CSAD: variants seen among roughly 807,000 people sequenced by gnomAD.
CSAD encodes the protein cysteine sulfinic acid decarboxylase.
Under a neutral mutation model 61.5 loss-of-function variants are expected in CSAD, and 47 were observed. That is an observed-to-expected ratio of 0.76 (90% CI 0.60 to 0.97). The LOEUF (loss-of-function observed/expected upper bound fraction) is 0.97, where lower values mean the gene tolerates loss of function less well. CSAD is among the 50% of genes least tolerant of loss of function. CSAD has a pLI of 0.00. For missense variants in CSAD, 611 were observed against 643.6 expected, an observed-to-expected ratio of 0.95 and a Z score of 0.55; for synonymous variants, 245 against 252.7, an observed-to-expected ratio of 0.97 and a Z score of 0.29.
At chr12:53,173,651 G>T (rs1695337408) in intron 3 of CSAD, 77 bp downstream of exon 3, 1 of 1,443,726 alleles carries the variant, frequency 6.9e-7, no homozygotes. Context: ...GTGGGAACAG[G>T]TGGGAGAGAA....
chr12:53,160,060 G>C, intron 14 of CSAD, 60 bp downstream of exon 14: 2 of 1,604,962 alleles, frequency 1.2e-6, no homozygotes, highest in Non-Finnish European at 1.7e-6. Context: ...GCAGGAAAGA[G>C]GGAGGGGCAT....
At chr12:53,170,204 G>C in intron 9 of CSAD, 78 bp from the exon 10 acceptor site, 1 of 1,331,168 alleles carries the variant, frequency 7.5e-7, no homozygotes, top group South Asian at 1.2e-5. Flanking sequence ...TAGCAATGCA[G>C]AGACAACAGT....
chr12:53,160,277 A>G lies in CSAD; in HGVS notation c.1009T>C (p.Phe337Leu). The G allele has an allele frequency of 1.9e-6, 3 of 1,614,174 alleles. No homozygotes were observed. The highest frequency in any genetic ancestry group is 2.2e-5 in the South Asian group (2 of 91,090). The change falls in exon 14 of 17, where the codon TTC (phenylalanine) becomes CTC (leucine). Residue 337 changes from phenylalanine to leucine, a missense_variant. Phe to Leu is a conservative substitution (Grantham distance 22). Coordinates refer to ENST00000444623, the MANE Select transcript of CSAD (RefSeq NM_001244705.2). ...ACATCGTAGAACTTGTCCTGCTGGA[A>G]AAGGTAGCTGGCCTGGGACCCATGG... ...RCHGSQASYLFQQDKFYDVAL... is the reference protein window; with the variant it reads ...RCHGSQASYLLQQDKFYDVAL...
rs1938835024 is a variant in CSAD, at chr12:53,158,574, T to C, written c.1419A>G (p.Ala473=). The change falls in exon 17 of 17, where the codon GCA becomes GCG. Residue 473 remains alanine, a synonymous_variant. Coordinates refer to ENST00000444623, the MANE Select transcript of CSAD (RefSeq NM_001244705.2). ...GGAAGTCCATATCAGCACAGGTCAG[T>C]GCAGAGTTGGCCACAACCACACGGA... The part of the protein sequence containing the change: ...NFFRVVVANS[A]LTCADMDFLL... 1.2e-6 allele frequency: 2 copies of C among 1,613,150 alleles called. No homozygotes were observed. Among genetic ancestry groups the C allele is most frequent in the Admixed American group, 1.7e-5 (1 of 59,924 alleles).
At chr12:53,170,323 G>A (rs913494419) in intron 9 of CSAD, 100 bp downstream of exon 9, 26 of 1,118,178 alleles carry the variant, frequency 2.3e-5, no homozygotes, top group Non-Finnish European at 3.4e-5. Flanking sequence ...AGGGGAGAGA[G>A]GTCCACCAGC....
At chr12:53,178,475 G>A (rs1433697072) in intron 2 of CSAD, 7 of 416,350 alleles carry the variant, frequency 1.7e-5, no homozygotes, top group Admixed American at 1.5e-4. Context: ...CTGGGCGACA[G>A]ACCAAGACCC....
chr12:53,172,307 A>T (rs776535475), intron 6 of CSAD, 39 bp downstream of exon 6: 7 of 1,580,344 alleles, frequency 4.4e-6, no homozygotes, highest in Non-Finnish European at 6.1e-6. Context: ...GCAAACCTAA[A>T]TCCTTTGTGG....
intron 8 of CSAD, chr12:53,171,121 C>T (rs575155639): frequency 1.2e-4 from 88 of 738,734 alleles, no homozygotes; most frequent in African/African-American, 9.3e-4. Context: ...ACTGCACTCA[C>T]GGCCCCTCCT....
intron 3 of CSAD, 81 bp from the exon 4 acceptor site, chr12:53,173,557 G>C (rs1257639854): frequency 1.9e-6 from 3 of 1,609,172 alleles, no homozygotes; most frequent in Non-Finnish European, 2.5e-6. Context: ...TCTCCCAAAC[G>C]GGCCTGAGGC....
chr12:53,170,659 A>C, intron 8 of CSAD, 157 bp from the exon 9 acceptor site: 1 of 651,012 alleles, frequency 1.5e-6, no homozygotes, highest in South Asian at 1.7e-5. Flanking sequence ...GTTAAAATGA[A>C]ATGCAGGTTC....
intron 7 of CSAD, chr12:53,171,673 T>C (rs1465056): frequency 0.28 from 173,771 of 616,908 alleles, 28,795 homozygotes; most frequent in African/African-American, 0.62. Flanking sequence ...CGTCCGGAGA[T>C]AGCAGGAACT....
At chr12:53,174,165 G>A (rs1015929364) in intron 2 of CSAD, among the ~76,000 whole-genome samples, 5 of 151,814 alleles carry the variant, frequency 3.3e-5, no homozygotes, top group Non-Finnish European at 5.9e-5. Flanking sequence ...TTAGCCGGGT[G>A]TGGTGGCGGG....
chr12:53,162,423 CCAGGCACAGTGG>C (rs1939394492), intron 10 of CSAD, among the ~76,000 whole-genome samples: 1 of 151,512 alleles, frequency 6.6e-6, no homozygotes, highest in Non-Finnish European at 1.5e-5. Flanking sequence ...CAAAAATTAG[CCAGGCACAGTGG>C]CAGGCGCCTG....
chr12:53,178,824 C>T (rs1468059349), intron 2 of CSAD, among the ~76,000 whole-genome samples: 1 of 152,142 alleles, frequency 6.6e-6, no homozygotes, highest in Non-Finnish European at 1.5e-5. Flanking sequence ...AATAAAAGCA[C>T]ATATCCTATC....
At position 53,180,743 on chromosome 12, in the gene CSAD, T is replaced by C; in HGVS notation, c.-102A>G. 1.6e-6 allele frequency: 2 copies of C among 1,264,426 alleles called. No homozygotes were observed. Among genetic ancestry groups the C allele is most frequent in the Non-Finnish European group, 1.0e-6 (1 of 977,004 alleles). The allele number at this position is 1,264,426 out of a possible 1,614,324, so 78.3% of individuals were successfully genotyped here. On this transcript the variant is annotated 5_prime_UTR_variant, in exon 1 of 17. Transcript: ENST00000444623. ...GTTTGTAAACTTGCCTCGGTCCCGGTGGGGGCAGCCGCGGCGGTGGGGTTG... is the reference window on the plus strand; with the variant it reads ...GTTTGTAAACTTGCCTCGGTCCCGGCGGGGGCAGCCGCGGCGGTGGGGTTG...
chr12:53,170,397 A>G lies in CSAD; in HGVS notation c.647+26T>C, dbSNP rs777063462. 3.1e-6 allele frequency: 5 copies of G among 1,604,430 alleles called. 1 individual carries two copies. The South Asian group carries it at 4.4e-5, about 14-fold the overall frequency. ...GTTACGCTGTGCAAAGCTAGGTCAC[A>G]GCCATGTGGGCAGAAGGACCTTCAC... is the stretch of plus-strand genomic sequence containing the variant. On this transcript the variant is annotated intron_variant, in intron 9 of 16. Coordinates refer to ENST00000444623, the MANE Select transcript of CSAD (RefSeq NM_001244705.2).
upstream of CSAD, chr12:53,181,230 G>A: frequency 4.1e-6 from 4 of 985,426 alleles, no homozygotes; most frequent in Non-Finnish European, 4.8e-6. Context: ...CCCTACCTTC[G>A]GGCGGACGGG....
At chr12:53,172,210 G>A (rs1475619110) in intron 6 of CSAD, 136 bp downstream of exon 6, 1 of 909,846 alleles carries the variant, frequency 1.1e-6, no homozygotes, top group Non-Finnish European at 1.8e-6. Context: ...AGGATATGAG[G>A]AAAAACTCTC....
rs1219092144 is a variant in CSAD, at chr12:53,159,892, T to C, written c.1213A>G (p.Met405Val). 7 of 1,598,474 alleles carry C rather than the reference T, an allele frequency of 4.4e-6. No individual in the cohort carries two copies. The South Asian group carries it at 7.9e-5, about 18-fold the overall frequency. ...AAAATAGAAAGGGGTCCTACCTCCA[T>C]GACTAGCTCAAACCCTTCCCGCTTC... ...MKKREGFELVMEPEFVNVCFW... is the reference protein window; with the variant it reads ...MKKREGFELVVEPEFVNVCFW... The change falls in exon 15 of 17, where the codon ATG becomes GTG. Residue 405 changes from methionine (M) to valine (V), a missense_variant. Coordinates refer to ENST00000444623, the MANE Select transcript of CSAD (RefSeq NM_001244705.2).
Sources: gnomAD v4.1 joint callset for allele counts (sites outside exome capture counted in the v4.1 genomes callset) on GRCh38, gnomAD v4.1.1 for gene constraint, MANE v1.5 for transcripts, NCBI Gene and HGNC (gene_info 2026-07-23, HGNC 2026-07-21) for gene names.